ELN: variants seen among roughly 807,000 people sequenced by gnomAD.
ELN encodes the protein tropoelastin.
A neutral mutation model predicts 105.8 loss-of-function variants in ELN; 65 were observed. The observed-to-expected ratio is 0.61, with a 90% CI of 0.50 to 0.75. The LOEUF is 0.75. ELN is among the 30% of genes least tolerant of loss of function. The pLI is 0.00. For synonymous variants in ELN, 368 were observed against 389.2 expected, an observed-to-expected ratio of 0.95 and a Z score of 0.64; for missense variants, 882 against 969.4, an observed-to-expected ratio of 0.91 and a Z score of 1.20.
chr7:74,061,112 C>T lies in ELN; in HGVS notation c.1759C>T (p.Leu587=), dbSNP rs1215185368. The T allele has an allele frequency of 6.2e-7, 1 of 1,614,008 alleles. No homozygotes were observed. The highest frequency in any genetic ancestry group is 1.3e-5 in the African/African-American group (1 of 74,944). The change falls in exon 26 of 33, where the codon CTG becomes TTG. Residue 587 remains leucine, a synonymous_variant. Transcript: ENST00000252034. The stretch of plus-strand genomic sequence containing the variant: ...TTCTTTCTCCCCAGTACCTGGAGCC[C>T]TGGCTGCCGCTAAAGCAGCCAAATA... ...VPGFGAVPGA[L]AAAKAAKYGA...
At chr7:74,068,482 C>T (rs1798478423) in intron 32 of ELN, among the ~76,000 whole-genome samples, 175 bp from the exon 33 acceptor site, 1 of 152,238 alleles carries the variant, frequency 6.6e-6, no homozygotes, top group African/African-American at 2.4e-5. Context: ...TTCTCCCGCC[C>T]CATCTGTCCA....
Position 74,057,378 on chromosome 7 carries a change from C to T in ELN, c.1358-262C>T, listed in dbSNP as rs781834691. On this transcript the variant is annotated intron_variant, in intron 21 of 32. Transcript: ENST00000252034. Reference sequence around the variant, plus strand: ...GCAAGGCTGAAAGTTCTCCACTCCCCGAGGTGCTGCAGGAGCAGGAGTGCT... The same window carrying T: ...GCAAGGCTGAAAGTTCTCCACTCCCTGAGGTGCTGCAGGAGCAGGAGTGCT... 19 of 1,496,842 alleles carry T rather than the reference C, an allele frequency of 1.3e-5. No homozygotes were observed. Among genetic ancestry groups the T allele is most frequent in the South Asian group, 1.1e-4 (8 of 73,268 alleles). 92.7% of individuals were successfully genotyped at this position (1,496,842 alleles called of 1,614,324 possible). A position where few individuals can be genotyped will look rare whatever the true frequency, so the allele number is the denominator to read the frequency against.
intron 12 of ELN, among the ~76,000 whole-genome samples, chr7:74,047,347 C>T (rs1792816598): frequency 6.6e-6 from 1 of 152,234 alleles, no homozygotes; most frequent in South Asian, 2.1e-4. Context: ...CTCTAACATC[C>T]ACCCACTCGT....
At chr7:74,065,225 G>A (rs187393762) in intron 29 of ELN, among the ~76,000 whole-genome samples, 3 of 152,118 alleles carry the variant, frequency 2.0e-5, no homozygotes, top group Admixed American at 6.6e-5. Context: ...TTCCAGCCTG[G>A]GCAACAGAGC....
chr7:74,032,589 G>A (rs1377300229), intron 1 of ELN, among the ~76,000 whole-genome samples: 3 of 152,102 alleles, frequency 2.0e-5, no homozygotes. Context: ...TTAAAACCTC[G>A]GGCTCCCCAG....
intron 13 of ELN, among the ~76,000 whole-genome samples, 165 bp from the exon 14 acceptor site, chr7:74,047,977 T>A (rs1792960565): frequency 6.6e-6 from 1 of 152,118 alleles, no homozygotes; most frequent in Non-Finnish European, 1.5e-5. Context: ...ATCTGTAAAA[T>A]GGACATAACA....
chr7:74,033,260 C>T (rs1446654431), intron 1 of ELN, among the ~76,000 whole-genome samples: 1 of 152,206 alleles, frequency 6.6e-6, no homozygotes, highest in Non-Finnish European at 1.5e-5. Flanking sequence ...CCACCTCCAC[C>T]ACACTGTTCC....
intron 18 of ELN, among the ~76,000 whole-genome samples, chr7:74,053,877 G>T (rs1554677977): frequency 6.6e-6 from 1 of 151,958 alleles, no homozygotes; most frequent in Admixed American, 6.6e-5. Flanking sequence ...ATGGGGGCAT[G>T]GATGGATGGG....
intron 29 of ELN, among the ~76,000 whole-genome samples, chr7:74,064,780 A>C (rs1797589757): frequency 6.6e-6 from 1 of 152,150 alleles, no homozygotes; most frequent in Non-Finnish European, 1.5e-5. Flanking sequence ...GAAAGAAATC[A>C]AAGCTTGGAG....
rs193109685 is a variant in ELN, at chr7:74,060,713, C to T, written c.1747+212C>T. 3.4e-5 allele frequency: 45 copies of T among 1,320,012 alleles called. No individual in the cohort carries two copies. The African/African-American group carries it at 6.0e-4, about 18-fold the overall frequency. The allele number at this position is 1,320,012 out of a possible 1,614,324, so 81.8% of individuals were successfully genotyped here. ...GGCTGCCCAATTGCAGAGTATCTGCCTCCTCAGTAGAGGGGTGGCAGGGCT... is the reference window on the plus strand; with the variant it reads ...GGCTGCCCAATTGCAGAGTATCTGCTTCCTCAGTAGAGGGGTGGCAGGGCT... On this transcript the variant is annotated intron_variant, in intron 25 of 32. Transcript: ENST00000252034.
chr7:74,053,403 T>C, intron 18 of ELN, 94 bp downstream of exon 18: 2 of 1,547,740 alleles, frequency 1.3e-6, no homozygotes, highest in Non-Finnish European at 8.7e-7. Context: ...TTTTGCATTC[T>C]CCCTAACACC....
intron 4 of ELN, among the ~76,000 whole-genome samples, chr7:74,038,803 C>T (rs1194087761): frequency 6.6e-6 from 1 of 152,226 alleles, no homozygotes; most frequent in Non-Finnish European, 1.5e-5. Flanking sequence ...ATCTTCAAGA[C>T]CCAGATTCCC....
chr7:74,066,878 C>T (rs1554689691), intron 32 of ELN, 102 bp downstream of exon 32: 10 of 1,284,582 alleles, frequency 7.8e-6, no homozygotes, highest in Non-Finnish European at 1.1e-6. Flanking sequence ...AGCCAGCACC[C>T]AGGGGTGGAC....
intron 22 of ELN, 47 bp downstream of exon 22, chr7:74,057,743 TCCTGTGCCCTG>T: frequency 6.2e-7 from 1 of 1,604,710 alleles, no homozygotes; most frequent in Non-Finnish European, 8.5e-7. Flanking sequence ...AACTGCTTTC[TCCTGTGCCCTG>T]CTCTGGGGTC....
At chr7:74,058,528 A>C (rs1022359047) in intron 22 of ELN, among the ~76,000 whole-genome samples, 1 of 151,442 alleles carries the variant, frequency 6.6e-6, no homozygotes, top group Non-Finnish European at 1.5e-5. Flanking sequence ...TAATTTTTTA[A>C]TTTTTTTGTA....
chr7:74,043,850 C>T (rs370578524), intron 8 of ELN, 29 bp from the exon 9 acceptor site: 1 of 1,613,614 alleles, frequency 6.2e-7, no homozygotes, highest in African/African-American at 1.3e-5. Flanking sequence ...TGAGCTGCTG[C>T]TAGTAACTTT....
chr7:74,057,780 C>T lies in ELN; in HGVS notation c.1414+84C>T, dbSNP rs1795631623. The T allele has an allele frequency of 8.0e-6, 12 of 1,503,802 alleles. No homozygotes were observed. The South Asian group carries it at 1.1e-4, about 14-fold the overall frequency. 93.2% of individuals were successfully genotyped at this position (1,503,802 alleles called of 1,614,324 possible). A position where few individuals can be genotyped will look rare whatever the true frequency, so the allele number is the denominator to read the frequency against. On this transcript the variant is annotated intron_variant, in intron 22 of 32. Coordinates refer to ENST00000252034, the MANE Select transcript of ELN (RefSeq NM_000501.4). ...CTCTGGGGTCTGACCGCCCAGCTTC[C>T]TGTTCCTTTCCACCCCACTTAAGCT...
intron 32 of ELN, among the ~76,000 whole-genome samples, chr7:74,068,017 C>T (rs964036839): frequency 2.0e-5 from 3 of 149,036 alleles, no homozygotes; most frequent in East Asian, 2.0e-4. Context: ...CACCAGGTGG[C>T]GGTAAGGAGC....
chr7:74,068,532 G>C, intron 32 of ELN, 125 bp from the exon 33 acceptor site: 1 of 1,181,384 alleles, frequency 8.5e-7, no homozygotes, highest in Non-Finnish European at 1.2e-6. Context: ...AGTTTGGCCT[G>C]GGGCCATGAC....
Sources: gnomAD v4.1 joint callset for allele counts (sites outside exome capture counted in the v4.1 genomes callset) on GRCh38, gnomAD v4.1.1 for gene constraint, MANE v1.5 for transcripts, NCBI Gene and HGNC (gene_info 2026-07-23, HGNC 2026-07-21) for gene names.